Variants in ARPC1B observed in about 807,000 individuals in gnomAD.
ARPC1B encodes actin related protein 2/3 complex subunit 1B, also known as actin-related protein 2/3 complex subunit 1B.
ARPC1B carries 29 observed loss-of-function variants against 46.0 expected under a neutral mutation model. The ratio of observed to expected loss-of-function variants is 0.63; its 90% CI spans 0.47 to 0.86. The LOEUF is 0.86. ARPC1B is among the 40% of genes least tolerant of loss of function. ARPC1B has a pLI of 0.00. For missense variants in ARPC1B, 469 were observed against 529.4 expected (o/e 0.89, Z 1.12); for synonymous variants, 201 against 213.9 (o/e 0.94, Z 0.53).
intron 3 of ARPC1B, 53 bp from the exon 4 acceptor site, chr7:99,387,986 C>T (rs1165778533): frequency 8.0e-7 from 1 of 1,252,734 alleles, no homozygotes; most frequent in African/African-American, 1.5e-5. Context: ...CACCATACAG[C>T]CACCTCTGCC....
intron 3 of ARPC1B, among the ~76,000 whole-genome samples, chr7:99,387,164 G>A (rs572341149): frequency 7.9e-5 from 12 of 152,308 alleles, no homozygotes; most frequent in East Asian, 1.9e-4. Context: ...TTGCTGGGCC[G>A]GGTGCAGTGG....
intron 1 of ARPC1B, among the ~76,000 whole-genome samples, chr7:99,378,542 G>T (rs1025460834): frequency 8.6e-5 from 13 of 151,386 alleles, no homozygotes; most frequent in Non-Finnish European, 1.8e-4. Context: ...AATTAGCTGG[G>T]CGTGGTGGTG....
intron 1 of ARPC1B, among the ~76,000 whole-genome samples, chr7:99,381,082 C>T (rs1309290657): frequency 1.3e-5 from 2 of 152,198 alleles, no homozygotes; most frequent in African/African-American, 4.8e-5. Flanking sequence ...ACACAGGAAA[C>T]GCTCAGGGAA....
At chr7:99,392,123 G>C (rs1341610007) in intron 7 of ARPC1B, 1 of 153,606 alleles carries the variant, frequency 6.5e-6, no homozygotes, top group African/African-American at 2.4e-5. Context: ...CCAGCATGCT[G>C]TCCCAGATGC....
chr7:99,377,150 C>T (rs1438343147), intron 1 of ARPC1B, among the ~76,000 whole-genome samples: 1 of 151,966 alleles, frequency 6.6e-6, no homozygotes, highest in Non-Finnish European at 1.5e-5. Context: ...AGGTATGTTC[C>T]TCCATGCCCA....
Position 99,389,938 on chromosome 7 carries a change from C to T in ARPC1B, c.426C>T (p.Arg142=). The T allele has an allele frequency of 6.2e-7, 1 of 1,614,208 alleles. No homozygotes were observed. ...WVCKHIKKPI[R]STVLSLDWHP... is the part of the protein sequence containing the mutation. ...GCAAGCACATCAAGAAGCCCATCCG[C>T]TCCACCGTCCTCAGCCTGGACTGGC... The change falls in exon 5 of 10, where the codon CGC becomes CGT. Residue 142 remains arginine, a synonymous_variant. Coordinates refer to ENST00000646101, the MANE Select transcript of ARPC1B (RefSeq NM_005720.4).
rs773591021 is a variant in ARPC1B at position 99,392,857 on chromosome 7, C to A, written c.970C>A (p.Leu324Met). The stretch of plus-strand genomic sequence containing the variant: ...GGCTGCGGGCGCGGGCCTAGACTCG[C>A]TGCACAAGAACAGCGTCAGGTGAGA... The part of the protein sequence containing the change: ...GTAAGAGLDS[L>M]HKNSVSQISV... The change falls in exon 8 of 10, where the codon CTG becomes ATG. Residue 324 changes from leucine (L) to methionine (M), a missense_variant. By Grantham distance (15) the Leu-to-Met change is conservative. Transcript: ENST00000646101. The A allele has an allele frequency of 2.3e-5, 35 of 1,546,922 alleles. No individual in the cohort carries two copies. The highest frequency in any genetic ancestry group is 3.0e-5 in the Non-Finnish European group (34 of 1,144,568).
Position 99,391,018 on chromosome 7 carries a change from G to C in ARPC1B, c.626G>C (p.Cys209Ser), listed in dbSNP as rs1794553889. Residue 209 changes from cysteine (C) to serine (S), a missense_variant, in exon 6 of 10, where the codon TGT (cysteine) becomes TCT (serine). Cys to Ser is a moderately radical substitution (Grantham distance 112, BLOSUM62 -1). Transcript: ENST00000646101. Reference protein sequence around the residue: ...SSSCGWVHGVCFSASGSRVAW... With the variant: ...SSSCGWVHGVSFSASGSRVAW... ...AGCTGCGGCTGGGTACATGGCGTCT[G>C]TTTCTCAGCCAGCGGGAGCCGCGTG... 6.2e-7 allele frequency: 1 copy of C among 1,613,832 alleles called. No individual in the cohort carries two copies. Among genetic ancestry groups the C allele is most frequent in the African/African-American group, 1.3e-5 (1 of 74,944 alleles).
intron 1 of ARPC1B, chr7:99,376,441 C>A (rs1450271301): frequency 6.6e-6 from 1 of 152,226 alleles, no homozygotes; most frequent in Non-Finnish European, 1.5e-5. Context: ...AGTGTTCCCC[C>A]AGGTGAACCT....
At chr7:99,393,370 C>T (rs1444979051) in intron 8 of ARPC1B, among the ~76,000 whole-genome samples, 1 of 152,082 alleles carries the variant, frequency 6.6e-6, no homozygotes, top group African/African-American at 2.4e-5. Flanking sequence ...ATTTCCGGGA[C>T]TTAGGTGGGG....
At position 99,375,327 on chromosome 7, in the gene ARPC1B, C is replaced by T. The variant is rs1236797318; in HGVS notation, c.-14+546C>T. On this transcript the variant is annotated intron_variant, in intron 1 of 9. Transcript: ENST00000646101. ...TGAGCTGGCGTCTCCTGCCGCCCCG[C>T]CCCTGCCCTCCTGGCCGCTCCCGCT... Among the ~76,000 whole-genome samples, 3 of 152,286 alleles carry T rather than the reference C, an allele frequency of 2.0e-5. No homozygotes were observed. In the East Asian group the frequency reaches 5.8e-4, roughly 29 times the overall value.
intron 1 of ARPC1B, among the ~76,000 whole-genome samples, chr7:99,381,702 G>A (rs373862100): frequency 2.0e-5 from 3 of 152,348 alleles, no homozygotes; most frequent in Admixed American, 6.5e-5. Context: ...AGCAGGAGGT[G>A]GACAGGGCCT....
chr7:99,385,619 A>T, intron 1 of ARPC1B, 83 bp from the exon 2 acceptor site: 3 of 1,207,342 alleles, frequency 2.5e-6, no homozygotes, highest in Non-Finnish European at 3.6e-6. Context: ...GAGGCCTGTG[A>T]GGATCATCTG....
At chr7:99,383,705 A>G (rs1288762882) in intron 1 of ARPC1B, among the ~76,000 whole-genome samples, 1 of 152,194 alleles carries the variant, frequency 6.6e-6, no homozygotes. Context: ...GTGTGCCGGT[A>G]TCTGGGGGAA....
chr7:99,392,590 G>C lies in ARPC1B; in HGVS notation c.784-81G>C, dbSNP rs1470740169. The C allele has an allele frequency of 4.7e-6, 6 of 1,283,296 alleles. No homozygotes were observed. The African/African-American group carries it at 9.4e-5, about 20-fold the overall frequency. 79.5% of individuals were successfully genotyped at this position (1,283,296 alleles called of 1,614,324 possible). A position where few individuals can be genotyped will look rare whatever the true frequency, so the allele number is the denominator to read the frequency against. On this transcript the variant is annotated intron_variant, in intron 7 of 9. Coordinates refer to ENST00000646101, the MANE Select transcript of ARPC1B (RefSeq NM_005720.4). ...CCTTGAGCTGGCATCTGCCTCCCGG[G>C]CGGCCAGACGCCCGCCTGGCCTTCC...
chr7:99,389,808 T>G, intron 4 of ARPC1B, 97 bp from the exon 5 acceptor site: 1 of 1,034,564 alleles, frequency 9.7e-7, no homozygotes, highest in Admixed American at 1.8e-5. Flanking sequence ...TTTGGTGGGC[T>G]GCAGGGAGCA....
intron 7 of ARPC1B, 58 bp downstream of exon 7, chr7:99,391,311 C>T: frequency 1.3e-6 from 2 of 1,515,132 alleles, no homozygotes; most frequent in Non-Finnish European, 1.8e-6. Context: ...CGAGAGAGCC[C>T]AGCAACTCTC....
In ARPC1B at chr7:99,374,957, C is replaced by A. The variant is rs894661487; in HGVS notation, c.-14+176C>A. ...GGACGCATAGATGTGGGGCGCCGCC[C>A]AATAGGGGCACGGGGATGAGTGGGG... On this transcript the variant is annotated intron_variant, in intron 1 of 9. Transcript: ENST00000646101. This position sits in a 1 kb window ranked among gnomAD's most constrained non-coding sequence, Gnocchi z 5.0. Among the ~76,000 whole-genome samples the A allele has an allele frequency of 7.3e-6, 1 of 137,904 alleles. No homozygotes were observed. Among genetic ancestry groups the A allele is most frequent in the Admixed American group, 8.3e-5 (1 of 12,090 alleles). 90.5% of individuals were successfully genotyped at this position (137,904 alleles called of 152,430 possible).
intron 7 of ARPC1B, 149 bp from the exon 8 acceptor site, chr7:99,392,522 T>A (rs1353823235): frequency 1.4e-6 from 1 of 699,160 alleles, no homozygotes; most frequent in East Asian, 3.0e-5. Flanking sequence ...CCGGTTTTGA[T>A]ACACCTGCAA....
Sources: allele counts gnomAD v4.1 joint callset (sites outside exome capture counted in the v4.1 genomes callset), GRCh38; gene constraint gnomAD v4.1.1; non-coding constraint Gnocchi (gnomAD v3.1); transcripts MANE v1.5; gene names NCBI Gene and HGNC (gene_info 2026-07-23, HGNC 2026-07-21).